The following MIER3 variants were observed in gnomAD, a reference collection of about 807,000 sequenced individuals.
The protein encoded by MIER3 is mesoderm induction early response protein 3.
A neutral mutation model predicts 63.2 loss-of-function variants in MIER3; 9 were observed. That is an observed-to-expected ratio of 0.14 (90% CI 0.09 to 0.25). The LOEUF (loss-of-function observed/expected upper bound fraction) is 0.25. MIER3 is among the 10% of genes least tolerant of loss of function. The probability of loss-of-function intolerance (pLI) is 1.00; values close to 1 mark genes in which losing one functional copy is unlikely to be tolerated. For synonymous variants in MIER3, 205 were observed against 224.9 expected (o/e 0.91, Z 0.79); for missense variants, 512 against 666.2 (o/e 0.77, Z 2.55).
intron 7 of MIER3, among the ~76,000 whole-genome samples, chr5:56,933,826 A>G (rs62356561): frequency 0.15 from 23,533 of 152,078 alleles, 2,485 homozygotes; most frequent in East Asian, 0.35. Flanking sequence ...GCAAATAAAT[A>G]AAACCCAAAA....
intron 9 of MIER3, 170 bp from the exon 10 acceptor site, chr5:56,929,031 T>G: frequency 2.0e-6 from 1 of 511,848 alleles, no homozygotes; most frequent in Non-Finnish European, 3.5e-6. Flanking sequence ...TCTCTCTGTA[T>G]GCAGGAGATT....
intron 10 of MIER3, among the ~76,000 whole-genome samples, chr5:56,926,511 G>A (rs192755859): frequency 1.9e-4 from 29 of 151,952 alleles, no homozygotes; most frequent in African/African-American, 7.0e-4. Context: ...TCCTCATGAG[G>A]GAATTACAAA....
chr5:56,923,847 C>T lies in MIER3; in HGVS notation c.1053-14G>A, dbSNP rs1269654448. The T allele has an allele frequency of 6.2e-7, 1 of 1,613,950 alleles. No individual in the cohort carries two copies. Among genetic ancestry groups the T allele is most frequent in the Middle Eastern group, 1.6e-4 (1 of 6,084 alleles). On this transcript the variant is annotated splice_polypyrimidine_tract_variant and intron_variant, in intron 11 of 12. Coordinates refer to ENST00000381199, the MANE Select transcript of MIER3 (RefSeq NM_001297599.2). ...TCCATATAGTCCCTGAAAAACACACCCCAGTAATTTTATGACTATATATTA... is the reference window on the plus strand; with the variant it reads ...TCCATATAGTCCCTGAAAAACACACTCCAGTAATTTTATGACTATATATTA...
At chr5:56,941,232 T>C in intron 3 of MIER3, 2 of 794,966 alleles carry the variant, frequency 2.5e-6, no homozygotes, top group Non-Finnish European at 3.0e-6. Flanking sequence ...TATTCAATTG[T>C]GACTATAGAC....
chr5:56,924,191 G>GA, intron 10 of MIER3, 149 bp from the exon 11 acceptor site: 1 of 764,696 alleles, frequency 1.3e-6, no homozygotes, highest in Non-Finnish European at 2.0e-6. Context: ...ATAAAGTTCT[G>GA]AACACTTTGA....
Position 56,923,043 on chromosome 5 carries a change from A to C in MIER3, c.*85T>G. 1.8e-6 allele frequency: 2 copies of C among 1,126,014 alleles called. No homozygotes were observed. The allele number at this position is 1,126,014 out of a possible 1,614,324, so 69.8% of individuals were successfully genotyped here. On this transcript the variant is annotated 3_prime_UTR_variant, in exon 13 of 13. Transcript: ENST00000381199. ...TGATGTCATAGTGAGAAAGGTTCAA[A>C]CTTCCAGTGAAAGACTATGCAAACC...
chr5:56,939,152 C>CT, intron 3 of MIER3, 135 bp from the exon 4 acceptor site: 1 of 937,196 alleles, frequency 1.1e-6, no homozygotes, highest in Non-Finnish European at 1.5e-6. Context: ...TTCAGTTTTT[C>CT]TTTTTGTGCT....
chr5:56,923,510 C>T lies in MIER3; in HGVS notation c.1271G>A (p.Gly424Asp). Residue 424 changes from glycine (G) to aspartate (D), a missense_variant, in exon 13 of 13, where the codon GGC becomes GAC. Gly to Asp is a moderately conservative substitution (Grantham distance 94). Around this residue, in one of 5 missense-constraint regions of MIER3, gnomAD observed 218 missense variants for 251.2 expected, o/e 0.87. Transcript: ENST00000381199. The stretch of plus-strand genomic sequence containing the variant: ...ATTAACTTGTCCACGGGGTGTGTTG[C>T]CCAGTGGAGGAAAGCTATCATCCAA... The part of the protein sequence containing the change: ...NCLDDSFPPL[G>D]NTPRGQVNHV... 2 of 1,614,140 alleles carry T rather than the reference C, an allele frequency of 1.2e-6. No individual in the cohort carries two copies. Among genetic ancestry groups the T allele is most frequent in the Non-Finnish European group, 1.7e-6 (2 of 1,180,018 alleles).
At chr5:56,945,462 C>CA (rs1329673845) in intron 3 of MIER3, among the ~76,000 whole-genome samples, 69 of 143,626 alleles carry the variant, frequency 4.8e-4, no homozygotes, top group Middle Eastern at 3.7e-3. Flanking sequence ...GTCTTCGTCT[C>CA]AAAAAAAAAA....
chr5:56,941,425 A>G (rs1423864333), intron 3 of MIER3: 1 of 152,282 alleles, frequency 6.6e-6, no homozygotes, highest in Admixed American at 6.5e-5. Flanking sequence ...CTCGGGGCCC[A>G]CTTCCAGAGG....
chr5:56,930,599 G>C (rs1258257762), intron 9 of MIER3, 65 bp downstream of exon 9: 1 of 1,321,632 alleles, frequency 7.6e-7, no homozygotes, highest in Non-Finnish European at 1.1e-6. Flanking sequence ...AGGATACTTT[G>C]CTTATTCTGA....
intron 10 of MIER3, among the ~76,000 whole-genome samples, chr5:56,924,649 G>T (rs1749870534): frequency 6.6e-6 from 1 of 152,086 alleles, no homozygotes; most frequent in Non-Finnish European, 1.5e-5. Flanking sequence ...TTGGTTTTTA[G>T]ATCCAACAGA....
At chr5:56,927,488 T>G (rs947977072) in intron 10 of MIER3, among the ~76,000 whole-genome samples, 1 of 152,204 alleles carries the variant, frequency 6.6e-6, no homozygotes, top group African/African-American at 2.4e-5. Flanking sequence ...TCCTTTAGGA[T>G]GAAAAGAGGA....
chr5:56,945,666 G>A (rs1052503764), intron 3 of MIER3, among the ~76,000 whole-genome samples: 2 of 152,018 alleles, frequency 1.3e-5, no homozygotes, highest in African/African-American at 4.8e-5. Flanking sequence ...ATAACACGAC[G>A]TACTAAAAAT....
intron 5 of MIER3, among the ~76,000 whole-genome samples, chr5:56,936,431 A>G (rs1295983702): frequency 1.3e-5 from 2 of 152,090 alleles, no homozygotes; most frequent in Non-Finnish European, 2.9e-5. Context: ...GAACTTATTG[A>G]CCAAACAGTT....
rs1749658450 is a variant in MIER3 at position 56,921,265 on chromosome 5, TAG to T, written c.*1861_*1862del. On this transcript the variant is annotated 3_prime_UTR_variant, in exon 13 of 13. Transcript: ENST00000381199. ...TTATGGCCAGTATCTTACTAAATTA[TAG>T]AAAGTGTACTGATTTTTAATAAAAG... 2 of 152,534 alleles carry T rather than the reference TAG, an allele frequency of 1.3e-5. No individual in the cohort carries two copies. Among genetic ancestry groups the T allele is most frequent in the South Asian group, 4.1e-4 (2 of 4,830 alleles). The allele number at this position is 152,534 out of a possible 1,614,324, so 9.4% of individuals were successfully genotyped here. A position where few individuals can be genotyped will look rare whatever the true frequency, so the allele number is the denominator to read the frequency against.
intron 3 of MIER3, among the ~76,000 whole-genome samples, chr5:56,946,091 G>T (rs2112146658): frequency 6.6e-6 from 1 of 152,284 alleles, no homozygotes; most frequent in African/African-American, 2.4e-5. Flanking sequence ...TTAACATGAA[G>T]AAGGAAATAA....
At chr5:56,930,535 G>T in intron 9 of MIER3, 129 bp downstream of exon 9, 2 of 751,934 alleles carry the variant, frequency 2.7e-6, no homozygotes, top group Non-Finnish European at 4.6e-6. Context: ...AAAATTATTT[G>T]CTATGGAGCT....
intron 3 of MIER3, among the ~76,000 whole-genome samples, chr5:56,942,692 A>AAG (rs1750687417): frequency 6.6e-6 from 1 of 152,194 alleles, no homozygotes; most frequent in African/African-American, 2.4e-5. Flanking sequence ...TAAAATAAGA[A>AAG]AGAGGGAGAA....
Sources: allele counts gnomAD v4.1 joint callset (sites outside exome capture counted in the v4.1 genomes callset), GRCh38; gene constraint gnomAD v4.1.1; regional missense constraint gnomAD v4.1.1; transcripts MANE v1.5; gene names NCBI Gene and HGNC (gene_info 2026-07-23, HGNC 2026-07-21).